Variants in AP5M1 observed in about 807,000 individuals in gnomAD.
The protein encoded by AP5M1 is adaptor related protein complex 5 subunit mu 1, also known as AP-5 complex subunit mu-1.
AP5M1 carries 44 observed loss-of-function variants against 52.3 expected under a neutral mutation model. That is an observed-to-expected ratio of 0.84 (90% CI 0.66 to 1.08). The LOEUF is 1.08. AP5M1 is among the 50% of genes least tolerant of loss of function. The pLI is 0.00. For synonymous variants in AP5M1, 213 were observed against 199.0 expected (o/e 1.07, Z -0.59); for missense variants, 526 against 568.4 (o/e 0.93, Z 0.76).
At chr14:57,272,987 C>T (rs8016018) in intron 1 of AP5M1, among the ~76,000 whole-genome samples, 1 of 151,968 alleles carries the variant, frequency 6.6e-6, no homozygotes, top group African/African-American at 2.4e-5. Flanking sequence ...AGTGCAGTGT[C>T]ACAATCTCGG....
At chr14:57,278,121 C>A (rs1329724183) in intron 2 of AP5M1, among the ~76,000 whole-genome samples, 2 of 152,236 alleles carry the variant, frequency 1.3e-5, no homozygotes, top group Admixed American at 6.5e-5. Context: ...ACCCTGACTA[C>A]CTACACAAAT....
chr14:57,297,643 T>C lies in AP5M1; in HGVS notation c.*8759T>C, dbSNP rs1207578542. 2 of 152,010 alleles carry C rather than the reference T, an allele frequency of 1.3e-5. No individual in the cohort carries two copies. The highest frequency in any genetic ancestry group is 2.9e-5 in the Non-Finnish European group (2 of 67,966). 9.4% of individuals were successfully genotyped at this position (152,010 alleles called of 1,614,324 possible). A position where few individuals can be genotyped will look rare whatever the true frequency, so the allele number is the denominator to read the frequency against. The stretch of plus-strand genomic sequence containing the variant: ...TCTAGAGTAGTGGCCTCACATTGAT[T>C]TATATTAGTGTGCCAGTCTTTCCCC... On this transcript the variant is annotated 3_prime_UTR_variant, in exon 8 of 8. Coordinates refer to ENST00000261558, the MANE Select transcript of AP5M1 (RefSeq NM_018229.4).
rs1387536116 is a variant in AP5M1, at chr14:57,269,127, C to T, written c.-188C>T. ...TAGAACTTTTTGTGGTGTGTGTTGG[C>T]CTAGAGCGACTCAGAAGCGTTAGTG... On this transcript the variant is annotated 5_prime_UTR_variant, in exon 1 of 8. Transcript: ENST00000261558. 3.3e-6 allele frequency: 2 copies of T among 608,630 alleles called. No homozygotes were observed. The highest frequency in any genetic ancestry group is 5.5e-5 in the East Asian group (2 of 36,182). 37.7% of individuals were successfully genotyped at this position (608,630 alleles called of 1,614,324 possible).
rs1175497935 is a variant in AP5M1, at chr14:57,295,935, T to C, written c.*7051T>C. The C allele has an allele frequency of 1.3e-5, 2 of 152,022 alleles. No individual in the cohort carries two copies. The highest frequency in any genetic ancestry group is 2.9e-5 in the Non-Finnish European group (2 of 67,936). The allele number at this position is 152,022 out of a possible 1,614,324, so 9.4% of individuals were successfully genotyped here. ...GAGAAATACCGGTTGATTATTGTGATAACTTTTGAGAGCTACAGTTATTTT... is the reference window on the plus strand; with the variant it reads ...GAGAAATACCGGTTGATTATTGTGACAACTTTTGAGAGCTACAGTTATTTT... On this transcript the variant is annotated 3_prime_UTR_variant, in exon 8 of 8. Coordinates refer to ENST00000261558, the MANE Select transcript of AP5M1 (RefSeq NM_018229.4).
At chr14:57,269,615 T>G (rs1884827566) in intron 1 of AP5M1, among the ~76,000 whole-genome samples, 1 of 152,100 alleles carries the variant, frequency 6.6e-6, no homozygotes, top group African/African-American at 2.4e-5. Flanking sequence ...CGGTATATGT[T>G]TTCTATTAGT....
chr14:57,284,317 C>G (rs1885255429), intron 6 of AP5M1, among the ~76,000 whole-genome samples: 2 of 152,140 alleles, frequency 1.3e-5, no homozygotes, highest in Non-Finnish European at 2.9e-5. Flanking sequence ...AGACTGGATA[C>G]ATAATTTAGA....
chr14:57,289,667 G>A lies in AP5M1; in HGVS notation c.*783G>A, dbSNP rs1885395478. On this transcript the variant is annotated 3_prime_UTR_variant, in exon 8 of 8. Transcript: ENST00000261558. ...TCATAGTGTTTTGTAATCATTTAAT[G>A]TCTGCAGCCAAATTTTTAAAGGTAA... is the stretch of plus-strand genomic sequence containing the variant. 2 of 151,934 alleles carry A rather than the reference G, an allele frequency of 1.3e-5. No homozygotes were observed. Among genetic ancestry groups the A allele is most frequent in the Non-Finnish European group, 2.9e-5 (2 of 67,922 alleles). 9.4% of individuals were successfully genotyped at this position (151,934 alleles called of 1,614,324 possible). A position where few individuals can be genotyped will look rare whatever the true frequency, so the allele number is the denominator to read the frequency against.
rs1885428489 is a variant in AP5M1 at position 57,291,276 on chromosome 14, C to G, written c.*2392C>G. 6.6e-6 allele frequency: 1 copy of G among 151,808 alleles called. No homozygotes were observed. Among genetic ancestry groups the G allele is most frequent in the South Asian group, 2.1e-4 (1 of 4,834 alleles). The allele number at this position is 151,808 out of a possible 1,614,324, so 9.4% of individuals were successfully genotyped here. A position where few individuals can be genotyped will look rare whatever the true frequency, so the allele number is the denominator to read the frequency against. ...AGATTTGGATAGTGTCAGACCTTCTCTAGATGCAAAATTGCTAAATTCCCT... is the reference window on the plus strand; with the variant it reads ...AGATTTGGATAGTGTCAGACCTTCTGTAGATGCAAAATTGCTAAATTCCCT... On this transcript the variant is annotated 3_prime_UTR_variant, in exon 8 of 8. Transcript: ENST00000261558.
chr14:57,282,317 A>T, intron 4 of AP5M1, 89 bp downstream of exon 4: 8 of 1,032,836 alleles, frequency 7.7e-6, no homozygotes, highest in Non-Finnish European at 1.1e-5. Flanking sequence ...CTTTTACCTT[A>T]TTTTTAAGGT....
intron 6 of AP5M1, among the ~76,000 whole-genome samples, chr14:57,285,055 T>TA (rs1044652867): frequency 2.0e-5 from 3 of 150,164 alleles, no homozygotes; most frequent in East Asian, 3.9e-4. Context: ...ACAGGAAGAT[T>TA]AAAAAAAACA....
At chr14:57,281,625 T>A (rs78336284) in intron 3 of AP5M1, among the ~76,000 whole-genome samples, 1 of 152,136 alleles carries the variant, frequency 6.6e-6, no homozygotes, top group African/African-American at 2.4e-5. Flanking sequence ...TTCTGTGTCT[T>A]ACTTCACATG....
intron 4 of AP5M1, 151 bp from the exon 5 acceptor site, chr14:57,282,783 A>G: frequency 2.1e-6 from 1 of 481,256 alleles, no homozygotes; most frequent in Non-Finnish European, 3.7e-6. Context: ...TTCAAGATTT[A>G]ACATTCATTA....
At chr14:57,277,946 C>CT (rs1885081088) in intron 2 of AP5M1, among the ~76,000 whole-genome samples, 2 of 152,014 alleles carry the variant, frequency 1.3e-5, no homozygotes, top group African/African-American at 4.8e-5. Flanking sequence ...GTGGTGCAAT[C>CT]TAATATATGA....
rs753046130 is a variant in AP5M1, at chr14:57,289,194, GTGGCAGACATTGCTAATCAAT to G, written c.*312_*332del. 64 of 184,642 alleles carry G rather than the reference GTGGCAGACATTGCTAATCAAT, an allele frequency of 3.5e-4. No homozygotes were observed. Among genetic ancestry groups the G allele is most frequent in the Non-Finnish European group, 1.3e-4 (12 of 90,374 alleles). The allele number at this position is 184,642 out of a possible 1,614,324, so 11.4% of individuals were successfully genotyped here. A position where few individuals can be genotyped will look rare whatever the true frequency, so the allele number is the denominator to read the frequency against. Reference sequence around the variant, plus strand: ...GCCACACTTGTTTCCTAGTGTTTCTGTGGCAGACATTGCTAATCAATTACAGCCCTTTTCTGTACTGAGCCT... The same window carrying G: ...GCCACACTTGTTTCCTAGTGTTTCTGTACAGCCCTTTTCTGTACTGAGCCT... On this transcript the variant is annotated 3_prime_UTR_variant, in exon 8 of 8. Transcript: ENST00000261558.
intron 3 of AP5M1, among the ~76,000 whole-genome samples, chr14:57,281,192 T>C (rs1042456808): frequency 2.0e-5 from 3 of 152,180 alleles, no homozygotes; most frequent in African/African-American, 4.8e-5. Context: ...GATTAAACAT[T>C]ATCCCCATTT....
rs569600067 is a variant in AP5M1 at position 57,292,408 on chromosome 14, G to C, written c.*3524G>C. ...TCACTAGAACACTACCAGGGTGTGCGTTTATTCTCTATAACCTTTTAAAGC... is the reference window on the plus strand; with the variant it reads ...TCACTAGAACACTACCAGGGTGTGCCTTTATTCTCTATAACCTTTTAAAGC... On this transcript the variant is annotated 3_prime_UTR_variant, in exon 8 of 8. Coordinates refer to ENST00000261558, the MANE Select transcript of AP5M1 (RefSeq NM_018229.4). 5 of 151,772 alleles carry C rather than the reference G, an allele frequency of 3.3e-5. No individual in the cohort carries two copies. Among genetic ancestry groups the C allele is most frequent in the African/African-American group, 1.2e-4 (5 of 41,368 alleles). 9.4% of individuals were successfully genotyped at this position (151,772 alleles called of 1,614,324 possible). A position where few individuals can be genotyped will look rare whatever the true frequency, so the allele number is the denominator to read the frequency against.
At position 57,285,456 on chromosome 14, in the gene AP5M1, T is replaced by C. The variant is rs141457726; in HGVS notation, c.1294-767T>C. ...ATTTCAGTTGTATGGAAATCAGTCT[T>C]GTCATAACTTCCAGCATTAAGAATT... On this transcript the variant is annotated intron_variant, in intron 6 of 7. Coordinates refer to ENST00000261558, the MANE Select transcript of AP5M1 (RefSeq NM_018229.4). Among the ~76,000 whole-genome samples, 25 of 152,286 alleles carry C rather than the reference T, an allele frequency of 1.6e-4. No homozygotes were observed. In the East Asian group the frequency reaches 4.6e-3, roughly 28 times the overall value.
At position 57,274,442 on chromosome 14, in the gene AP5M1, A is replaced by G; in HGVS notation, c.273A>G (p.Glu91=). 6.2e-7 allele frequency: 1 copy of G among 1,614,184 alleles called. No individual in the cohort carries two copies. Among genetic ancestry groups the G allele is most frequent in the Non-Finnish European group, 8.5e-7 (1 of 1,180,034 alleles). Residue 91 remains glutamate, a synonymous_variant, in exon 2 of 8, where the codon GAA becomes GAG. Transcript: ENST00000261558. ...TTTATGGACTCCTGATAGGAGGTGA[A>G]GAACTCTGGCCAGTTGTTGCTTTTC... The part of the protein sequence containing the change: ...TSIYGLLIGG[E]ELWPVVAFLK...
At chr14:57,281,492 T>C (rs902096473) in intron 3 of AP5M1, among the ~76,000 whole-genome samples, 4 of 152,226 alleles carry the variant, frequency 2.6e-5, no homozygotes, top group Non-Finnish European at 4.4e-5. Flanking sequence ...AAAATTAGTA[T>C]CAGCCTGTAC....
Sources: gnomAD v4.1 joint callset for allele counts (sites outside exome capture counted in the v4.1 genomes callset) on GRCh38, gnomAD v4.1.1 for gene constraint, MANE v1.5 for transcripts, NCBI Gene and HGNC (gene_info 2026-07-23, HGNC 2026-07-21) for gene names.